Variants in FHL2 observed in about 807,000 individuals in gnomAD.
FHL2 encodes four and a half LIM domains protein 2.
Under a neutral mutation model 32.7 loss-of-function variants are expected in FHL2, and 20 were observed. That is an observed-to-expected ratio of 0.61 (90% CI 0.43 to 0.89). The LOEUF (loss-of-function observed/expected upper bound fraction) is 0.89. FHL2 is among the 40% of genes least tolerant of loss of function. FHL2 has a pLI of 0.00. For missense variants in FHL2, 311 were observed against 358.6 expected (o/e 0.87, Z 1.07); for synonymous variants, 123 against 128.1 (o/e 0.96, Z 0.27).
At chr2:105,432,016 A>T (rs1684451608) in intron 1 of FHL2, among the ~76,000 whole-genome samples, 1 of 152,222 alleles carries the variant, frequency 6.6e-6, no homozygotes, top group African/African-American at 2.4e-5. Flanking sequence ...TCATTATTCA[A>T]ACAATGTTGA....
chr2:105,425,412 T>C (rs1301458758), intron 1 of FHL2, among the ~76,000 whole-genome samples: 4 of 152,098 alleles, frequency 2.6e-5, no homozygotes, highest in African/African-American at 9.7e-5. Flanking sequence ...TCTCCCCATG[T>C]GATAGTCTGA....
upstream of FHL2, among the ~76,000 whole-genome samples, chr2:105,400,686 A>ATTTTTTTTTTTTTTTTTTTTTATTTTTT (rs57296524): frequency 1.5e-5 from 2 of 132,808 alleles, no homozygotes; most frequent in Admixed American, 7.7e-5. Context: ...TTATATTTTA[A>ATTTTTTTTTTTTTTTTTTTTTATTTTTT]TTTTTTTTTT....
At chr2:105,369,753 G>A (rs116213921) in intron 4 of FHL2, among the ~76,000 whole-genome samples, 2,383 of 152,312 alleles carry the variant, frequency 0.016, 31 homozygotes, top group Non-Finnish European at 0.025. Context: ...AAGCAGCCCA[G>A]AAGCCAAAGG....
chr2:105,399,203 C>A, upstream of FHL2: 1 of 1,462,932 alleles, frequency 6.8e-7, no homozygotes, highest in Non-Finnish European at 8.9e-7. Context: ...CCCCGGGCTG[C>A]GGCGGTCCCG....
At chr2:105,398,036 C>T (rs1683265641) in intron 1 of FHL2, among the ~76,000 whole-genome samples, 1 of 151,730 alleles carries the variant, frequency 6.6e-6, no homozygotes. Flanking sequence ...GATTCTAAAC[C>T]CAAATTGTGA....
chr2:105,391,918 CT>C (rs1682764663), intron 2 of FHL2, among the ~76,000 whole-genome samples: 2 of 152,218 alleles, frequency 1.3e-5, no homozygotes, highest in African/African-American at 4.8e-5. Context: ...GCAACCCCTC[CT>C]TTTTATTTCA....
chr2:105,400,101 T>C (rs922534553), upstream of FHL2, among the ~76,000 whole-genome samples: 1 of 152,074 alleles, frequency 6.6e-6, no homozygotes, highest in Non-Finnish European at 1.5e-5. Flanking sequence ...GCACTAGCTC[T>C]ACCTGGTATC....
intron 1 of FHL2, among the ~76,000 whole-genome samples, chr2:105,410,402 T>C (rs527514477): frequency 5.9e-5 from 9 of 152,298 alleles, no homozygotes; most frequent in Non-Finnish European, 7.3e-5. Flanking sequence ...GACCATTCTA[T>C]TGGCAGTTGG....
At chr2:105,433,548 G>A (rs1029012229) in intron 1 of FHL2, among the ~76,000 whole-genome samples, 1 of 152,152 alleles carries the variant, frequency 6.6e-6, no homozygotes, top group Non-Finnish European at 1.5e-5. Flanking sequence ...GGATTAGTGT[G>A]AAACTGGCAT....
chr2:105,409,028 T>C (rs1249005115), intron 1 of FHL2, among the ~76,000 whole-genome samples: 1 of 150,406 alleles, frequency 6.6e-6, no homozygotes, highest in Non-Finnish European at 1.5e-5. Flanking sequence ...CAGCAGGAGG[T>C]GGGGGTAGGA....
At chr2:105,422,931 G>T (rs1017119420) in intron 1 of FHL2, among the ~76,000 whole-genome samples, 1 of 152,162 alleles carries the variant, frequency 6.6e-6, no homozygotes, top group African/African-American at 2.4e-5. Flanking sequence ...AAAGTCTTCC[G>T]TCAATAATGT....
intron 1 of FHL2, among the ~76,000 whole-genome samples, chr2:105,429,695 T>G (rs1684370029): frequency 6.6e-6 from 1 of 152,204 alleles, no homozygotes; most frequent in Admixed American, 6.5e-5. Flanking sequence ...ACAGTAAGTT[T>G]ATGGTAATTT....
At chr2:105,380,615 T>G (rs778889046) in intron 3 of FHL2, among the ~76,000 whole-genome samples, 1 of 152,200 alleles carries the variant, frequency 6.6e-6, no homozygotes, top group Non-Finnish European at 1.5e-5. Context: ...TTTTGCTATT[T>G]CATTAGTACT....
At chr2:105,359,517 A>G (rs1420466399), downstream of FHL2, 4 of 152,186 alleles carry the variant, frequency 2.6e-5, no homozygotes, top group African/African-American at 9.7e-5. Context: ...TGCTCAGCCT[A>G]TCATTTTATT....
chr2:105,363,015 T>A, intron 6 of FHL2: 1 of 416,864 alleles, frequency 2.4e-6, no homozygotes, highest in African/African-American at 2.0e-5. Flanking sequence ...GACTGCAGTT[T>A]TAGCGATAAT....
In FHL2 at chr2:105,361,387, T is replaced by G. The variant is rs2104477822; in HGVS notation, c.736A>C (p.Asn246His). 1 of 1,614,128 alleles carries G rather than the reference T, an allele frequency of 6.2e-7. No homozygotes were observed. The highest frequency in any genetic ancestry group is 1.7e-4 in the Middle Eastern group (1 of 6,060). ...YISFEERQWH[N>H]DCFNCKKCSL... ...CACTTCTTACAGTTAAAGCAGTCGTTATGCCACTGCCGTTCCTCAAAGGAG... is the reference window on the plus strand; with the variant it reads ...CACTTCTTACAGTTAAAGCAGTCGTGATGCCACTGCCGTTCCTCAAAGGAG... Residue 246 changes from asparagine to histidine, a missense_variant, in exon 7 of 7, where the codon AAC becomes CAC. Transcript: ENST00000530340.
intron 2 of FHL2, among the ~76,000 whole-genome samples, chr2:105,388,426 T>C (rs919274040): frequency 9.2e-5 from 14 of 152,068 alleles, no homozygotes; most frequent in African/African-American, 2.9e-4. Flanking sequence ...GAATAGCTGG[T>C]GTGGAGAAAC....
At chr2:105,402,083 G>A (rs1192005286), upstream of FHL2, among the ~76,000 whole-genome samples, 3 of 119,802 alleles carry the variant, frequency 2.5e-5, no homozygotes, top group African/African-American at 7.9e-5. Flanking sequence ...ATGTATATAT[G>A]TGTATATATA....
At chr2:105,363,123 T>A in intron 6 of FHL2, 162 bp downstream of exon 6, 1 of 636,612 alleles carries the variant, frequency 1.6e-6, no homozygotes, top group Non-Finnish European at 2.8e-6. Context: ...GCATAGCCAG[T>A]GCACCAAGGA....
Sources: allele counts gnomAD v4.1 joint callset (sites outside exome capture counted in the v4.1 genomes callset), GRCh38; gene constraint gnomAD v4.1.1; transcripts MANE v1.5; gene names NCBI Gene and HGNC (gene_info 2026-07-23, HGNC 2026-07-21).